DIAPH2: variants seen among roughly 807,000 people sequenced by gnomAD.
The protein encoded by DIAPH2 is protein diaphanous homolog 2.
A neutral mutation model predicts 92.7 loss-of-function variants in DIAPH2; 35 were observed. The observed-to-expected ratio is 0.38, with a 90% confidence interval of 0.29 to 0.50. The LOEUF is 0.50. Among genes scored for constraint, DIAPH2 ranks in the 20% least tolerant of loss-of-function variants. The pLI is 0.94. For missense variants in DIAPH2, 701 were observed against 819.5 expected (o/e 0.86, Z 1.77); for synonymous variants, 301 against 280.4 (o/e 1.07, Z -0.73).
chrX:96,826,219 C>A (rs1244610719), intron 4 of DIAPH2, among the ~76,000 whole-genome samples: 1 of 110,252 alleles, frequency 9.1e-6, no homozygotes, highest in South Asian at 4.0e-4. Context: ...GAATTCGAGA[C>A]CAGCCTGGCC....
chrX:97,194,284 A>T (rs902272626), intron 22 of DIAPH2, among the ~76,000 whole-genome samples: 70 of 100,957 alleles, frequency 6.9e-4, no homozygotes, highest in Non-Finnish European at 1.0e-3. Context: ...TATCCTAGAA[A>T]TTTTTTTTTT....
chrX:97,174,556 G>T (rs2067478276), intron 22 of DIAPH2, among the ~76,000 whole-genome samples: 1 of 111,317 alleles, frequency 9.0e-6, no homozygotes, highest in African/African-American at 3.3e-5. Context: ...TGGGAGAAAA[G>T]GATTTATAAG....
rs1185790553 is a variant in DIAPH2, at chrX:97,079,495, C to A, written c.2247+4234C>A. ...TGGTTGTAGCCCTGACACAAACAGG[C>A]AAATCGGGTAGGGGAGAAAATACTT... On this transcript the variant is annotated intron_variant, in intron 19 of 26. Transcript: ENST00000324765. 2.7e-5 allele frequency among the ~76,000 whole-genome samples: 3 copies of A among 111,010 alleles called. No individual in the cohort carries two copies. The Admixed American group carries it at 2.9e-4, about 11-fold the overall frequency.
At chrX:97,185,355 G>GTATATATATATA (rs1320825418) in intron 22 of DIAPH2, among the ~76,000 whole-genome samples, 3 of 10,360 alleles carry the variant, frequency 2.9e-4, no homozygotes, top group East Asian at 2.1e-3. Flanking sequence ...ATATATATGT[G>GTATATATATATA]TGTATATATA....
At chrX:96,815,136 C>T (rs659248) in intron 4 of DIAPH2, among the ~76,000 whole-genome samples, 23 of 112,172 alleles carry the variant, frequency 2.1e-4, no homozygotes, top group African/African-American at 4.2e-4. Flanking sequence ...CCCTGCCCCC[C>T]GAGGTGGGGG....
chrX:97,194,590 A>C (rs2067686140), intron 22 of DIAPH2, among the ~76,000 whole-genome samples: 1 of 111,489 alleles, frequency 9.0e-6, no homozygotes, highest in South Asian at 3.9e-4. Context: ...GGCCCCTAGA[A>C]ATATTTTCAA....
In DIAPH2 at chrX:97,601,573, T is replaced by A. The variant is rs1318879281; in HGVS notation, c.*2256T>A. On this transcript the variant is annotated 3_prime_UTR_variant, in exon 27 of 27. Coordinates refer to ENST00000324765, the MANE Select transcript of DIAPH2 (RefSeq NM_006729.5). ...AGTTTTGTTTTAGATGATTGGAAAG[T>A]ATATCACCAAAAAAAGTATATAGTG... 1 of 111,938 alleles carries A rather than the reference T, an allele frequency of 8.9e-6. No homozygotes were observed. Among genetic ancestry groups the A allele is most frequent in the East Asian group, 2.8e-4 (1 of 3,584 alleles). 9.2% of individuals were successfully genotyped at this position (111,938 alleles called of 1,213,427 possible).
At chrX:96,940,934 A>G (rs907380886) in intron 12 of DIAPH2, among the ~76,000 whole-genome samples, 1 of 111,283 alleles carries the variant, frequency 9.0e-6, no homozygotes, top group Non-Finnish European at 1.9e-5. Flanking sequence ...TGTGACAAGC[A>G]TTTTATTCCA....
Position 96,912,552 on chromosome X carries a change from G to A in DIAPH2, c.732G>A (p.Lys244=). ...GCCTCAAAGCATTTATGAATAATAA[G>A]GTAAGTAGTATTTATTTCTGCCCCT... The part of the protein sequence containing the change: ...IQCLKAFMNN[K]FGLQRILGDE... Residue 244 remains lysine, a splice_region_variant and synonymous_variant, in exon 7 of 27, where the codon AAG becomes AAA. Transcript: ENST00000324765. 8.5e-7 allele frequency: 1 copy of A among 1,174,683 alleles called. No individual in the cohort carries two copies. The highest frequency in any genetic ancestry group is 2.1e-5 in the South Asian group (1 of 48,435).
At chrX:97,545,020 C>T (rs991316983) in intron 26 of DIAPH2, among the ~76,000 whole-genome samples, 10 of 110,734 alleles carry the variant, frequency 9.0e-5, no homozygotes, top group African/African-American at 2.6e-4. Flanking sequence ...TGTGAGCCAC[C>T]GCACTGGGCC....
intron 24 of DIAPH2, among the ~76,000 whole-genome samples, chrX:97,359,028 T>C (rs1294771954): frequency 8.9e-6 from 1 of 112,354 alleles, no homozygotes; most frequent in African/African-American, 3.2e-5. Flanking sequence ...CAGTTGTGAT[T>C]AAACATGTTA....
At chrX:96,926,610 G>A (rs1226248466) in intron 9 of DIAPH2, among the ~76,000 whole-genome samples, 1 of 111,361 alleles carries the variant, frequency 9.0e-6, no homozygotes, top group Non-Finnish European at 1.9e-5. Context: ...TCTTAATGTG[G>A]TAGAAAACTG....
At chrX:97,220,373 A>G (rs1242962637) in intron 22 of DIAPH2, among the ~76,000 whole-genome samples, 1 of 110,484 alleles carries the variant, frequency 9.1e-6, no homozygotes, top group Non-Finnish European at 1.9e-5. Context: ...TTTAGAAAAA[A>G]AAAAAAAAGA....
At chrX:96,801,204 T>C (rs962741717) in intron 4 of DIAPH2, among the ~76,000 whole-genome samples, 1 of 112,312 alleles carries the variant, frequency 8.9e-6, no homozygotes, top group African/African-American at 3.2e-5. Flanking sequence ...CAAGACACTC[T>C]AGGGAGTTGT....
intron 23 of DIAPH2, among the ~76,000 whole-genome samples, chrX:97,254,508 A>AG (rs1183159260): frequency 9.4e-6 from 1 of 106,132 alleles, no homozygotes; most frequent in Non-Finnish European, 1.9e-5. Context: ...AAAAAAAAAA[A>AG]AAAAAAGGAC....
chrX:97,367,599 G>A (rs1182285038), intron 24 of DIAPH2, among the ~76,000 whole-genome samples: 1 of 111,119 alleles, frequency 9.0e-6, no homozygotes, highest in Non-Finnish European at 1.9e-5. Flanking sequence ...TATATTCATT[G>A]TATTTTTTTG....
At chrX:97,355,635 T>C (rs2069259106) in intron 24 of DIAPH2, among the ~76,000 whole-genome samples, 1 of 111,494 alleles carries the variant, frequency 9.0e-6, no homozygotes, top group South Asian at 3.8e-4. Context: ...GATGTGCTTC[T>C]TTAATGATAT....
chrX:96,794,660 T>C (rs758381212), intron 4 of DIAPH2, among the ~76,000 whole-genome samples: 1 of 112,096 alleles, frequency 8.9e-6, no homozygotes, highest in African/African-American at 3.2e-5. Context: ...ATAACAAATC[T>C]CATTTAATAT....
At position 96,876,444 on chromosome X, in the gene DIAPH2, T is replaced by C. The variant is rs1388761351; in HGVS notation, c.448-5135T>C. Reference sequence around the variant, plus strand: ...CAAAGGATTATAAATCATGCTACTATAAAGACACATGCACATGTATGTTTA... The same window carrying C: ...CAAAGGATTATAAATCATGCTACTACAAAGACACATGCACATGTATGTTTA... On this transcript the variant is annotated intron_variant, in intron 4 of 26. Transcript: ENST00000324765. 4.5e-5 allele frequency among the ~76,000 whole-genome samples: 5 copies of C among 111,507 alleles called. No homozygotes were observed. The Admixed American group carries it at 4.8e-4, about 11-fold the overall frequency.
Sources: gnomAD v4.1 joint callset for allele counts (sites outside exome capture counted in the v4.1 genomes callset) on GRCh38, gnomAD v4.1.1 for gene constraint, MANE v1.5 for transcripts, NCBI Gene and HGNC (gene_info 2026-07-23, HGNC 2026-07-21) for gene names.